FYB1: variants seen among roughly 807,000 people sequenced by gnomAD.
FYB1 encodes FYN-binding protein 1.
FYB1 carries 41 observed loss-of-function variants against 94.1 expected under a neutral mutation model. The ratio of observed to expected loss-of-function variants is 0.44; its 90% CI spans 0.34 to 0.57. The LOEUF is 0.57. FYB1 is among the 20% of genes least tolerant of loss of function. FYB1 has a pLI of 0.02. For missense variants in FYB1, 1,050 were observed against 976.8 expected (o/e 1.07, Z -1.00); for synonymous variants, 367 against 353.2 (o/e 1.04, Z -0.44).
At chr5:39,211,922 G>A (rs1323210876) in intron 1 of FYB1, among the ~76,000 whole-genome samples, 1 of 152,068 alleles carries the variant, frequency 6.6e-6, no homozygotes, top group Non-Finnish European at 1.5e-5. Context: ...CTATCTGTGG[G>A]GTTTTCTAGA....
rs570631946 is a variant in FYB1 at position 39,212,109 on chromosome 5, T to C, written c.-28+7334A>G. Among the ~76,000 whole-genome samples, 7 of 152,144 alleles carry C rather than the reference T, an allele frequency of 4.6e-5. No individual in the cohort carries two copies. The South Asian group carries it at 1.5e-3, about 32-fold the overall frequency. On this transcript the variant is annotated intron_variant, in intron 1 of 18. Coordinates refer to ENST00000512982, the MANE Select transcript of FYB1 (RefSeq NM_001465.6). ...TTGCTTGAGGCCAGGTGATTGAGGC[T>C]AGCCTGGGCAACAAAGCAAGACCTC...
At chr5:39,242,186 A>G (rs1751241657) in intron 1 of FYB1, among the ~76,000 whole-genome samples, 1 of 152,024 alleles carries the variant, frequency 6.6e-6, no homozygotes, top group South Asian at 2.1e-4. Context: ...CATATGCACA[A>G]TGTGCAGGTT....
intron 16 of FYB1, among the ~76,000 whole-genome samples, chr5:39,117,999 G>C (rs548846239): frequency 6.6e-6 from 1 of 152,216 alleles, no homozygotes; most frequent in African/African-American, 2.4e-5. Flanking sequence ...CTCAGCTCAA[G>C]TGATATTTTT....
chr5:39,196,210 T>A (rs867982176), intron 2 of FYB1, among the ~76,000 whole-genome samples: 1 of 114,920 alleles, frequency 8.7e-6, no homozygotes, highest in African/African-American at 4.3e-5. Context: ...AATTCTTTCT[T>A]TTTTTTTTTT....
Position 39,153,870 on chromosome 5 carries a change from C to T in FYB1, c.1136-266G>A, listed in dbSNP as rs763736361. Among the ~76,000 whole-genome samples, 10 of 152,230 alleles carry T rather than the reference C, an allele frequency of 6.6e-5. No individual in the cohort carries two copies. The South Asian group carries it at 1.0e-3, about 16-fold the overall frequency. Reference sequence around the variant, plus strand: ...TTCACTGTAAGCTCAGACTCCTGGGCTTTCGAGATCTTCCTGCCTCAGCCT... The same window carrying T: ...TTCACTGTAAGCTCAGACTCCTGGGTTTTCGAGATCTTCCTGCCTCAGCCT... On this transcript the variant is annotated intron_variant, in intron 2 of 18. Transcript: ENST00000512982.
At position 39,202,462 on chromosome 5, in the gene FYB1, T is replaced by G; in HGVS notation, c.499A>C (p.Lys167Gln). 6.2e-7 allele frequency: 1 copy of G among 1,613,930 alleles called. No homozygotes were observed. Among genetic ancestry groups the G allele is most frequent in the Non-Finnish European group, 8.5e-7 (1 of 1,179,878 alleles). Reference sequence around the variant, plus strand: ...CCAGTCAATTTGGGAAACGCTTGCTTCTGTTCATTTTCTGAGGTTGGAGGA... The same window carrying G: ...CCAGTCAATTTGGGAAACGCTTGCTGCTGTTCATTTTCTGAGGTTGGAGGA... ...PTPPTSENEQ[K>Q]QAFPKLTGVK... Residue 167 changes from lysine (K) to glutamine (Q), a missense_variant, in exon 2 of 19, where the codon AAG becomes CAG. Coordinates refer to ENST00000512982, the MANE Select transcript of FYB1 (RefSeq NM_001465.6).
At chr5:39,270,225 G>T (rs577705304) in intron 1 of FYB1, among the ~76,000 whole-genome samples, 1 of 152,192 alleles carries the variant, frequency 6.6e-6, no homozygotes, top group Admixed American at 6.5e-5. Context: ...TCCTTTCCTG[G>T]GATCCAAACT....
intron 1 of FYB1, among the ~76,000 whole-genome samples, chr5:39,207,488 G>C (rs1748964623): frequency 6.6e-6 from 1 of 152,098 alleles, no homozygotes; most frequent in Admixed American, 6.6e-5. Flanking sequence ...CCAGTTTTCA[G>C]AAAATCTTTT....
Position 39,137,657 on chromosome 5 carries a change from C to T in FYB1, c.1458G>A (p.Glu486=), listed in dbSNP as rs1304250930. 9 of 1,535,618 alleles carry T rather than the reference C, an allele frequency of 5.9e-6. No individual in the cohort carries two copies. Among genetic ancestry groups the T allele is most frequent in the Non-Finnish European group, 7.9e-6 (9 of 1,133,194 alleles). Residue 486 remains glutamate (E), a synonymous_variant, in exon 7 of 19, where the codon GAG becomes GAA. Transcript: ENST00000512982. ...TTTCTTTCTCTTTCTGTTCCTTTTTCTCCAGCTCTAACCTCTTCTTTTCTT... is the reference window on the plus strand; with the variant it reads ...TTTCTTTCTCTTTCTGTTCCTTTTTTTCCAGCTCTAACCTCTTCTTTTCTT... ...EKEEKKRLEL[E]KKEQKEKEKK...
At chr5:39,107,565 G>A (rs1283065809) in intron 18 of FYB1, 100 bp from the exon 19 acceptor site, 7 of 650,202 alleles carry the variant, frequency 1.1e-5, no homozygotes, top group South Asian at 1.0e-4. Flanking sequence ...TCCTGGTTAA[G>A]GATTAAAAAA....
rs1749148655 is a variant in FYB1, at chr5:39,209,338, T to G, written c.-27-6351A>C. Among the ~76,000 whole-genome samples the G allele has an allele frequency of 9.9e-5, 15 of 151,980 alleles. 1 individual carries two copies. The South Asian group carries it at 3.1e-3, about 32-fold the overall frequency. ...AACACTGTTTAAATATGTTTTTTTTTTTTTTTGAGACGGAGCCTCCCTCTA... is the reference window on the plus strand; with the variant it reads ...AACACTGTTTAAATATGTTTTTTTTGTTTTTTGAGACGGAGCCTCCCTCTA... On this transcript the variant is annotated intron_variant, in intron 1 of 18. Transcript: ENST00000512982.
intron 1 of FYB1, chr5:39,269,535 A>G (rs1177114336): frequency 2.0e-5 from 3 of 152,392 alleles, no homozygotes; most frequent in Non-Finnish European, 2.9e-5. Context: ...CTTGCACGCT[A>G]TCACTCTTCC....
intron 2 of FYB1, among the ~76,000 whole-genome samples, chr5:39,168,023 C>T (rs1744898015): frequency 6.6e-6 from 1 of 152,158 alleles, no homozygotes; most frequent in Admixed American, 6.5e-5. Context: ...TGTTAATTCT[C>T]TTCCCTTATT....
intron 16 of FYB1, among the ~76,000 whole-genome samples, chr5:39,114,648 A>G (rs1739363986): frequency 6.6e-6 from 1 of 152,240 alleles, no homozygotes; most frequent in Non-Finnish European, 1.5e-5. Flanking sequence ...GCATATAACA[A>G]GCTAACTACA....
chr5:39,242,682 A>T (rs908931428), intron 1 of FYB1, among the ~76,000 whole-genome samples: 2 of 152,116 alleles, frequency 1.3e-5, no homozygotes, highest in African/African-American at 4.8e-5. Context: ...GTCAAATGGT[A>T]TTTCCAGTTC....
At chr5:39,264,207 G>C (rs1028482770) in intron 1 of FYB1, among the ~76,000 whole-genome samples, 2 of 152,080 alleles carry the variant, frequency 1.3e-5, no homozygotes, top group Non-Finnish European at 2.9e-5. Flanking sequence ...TTTGCATAGA[G>C]CTGCCATCCA....
rs868065912 is a variant in FYB1 at position 39,176,166 on chromosome 5, T to C, written c.1136-22562A>G. Among the ~76,000 whole-genome samples the C allele has an allele frequency of 8.4e-3, 466 of 55,278 alleles. 1 individual carries two copies. Among genetic ancestry groups the C allele is most frequent in the African/African-American group, 0.026 (449 of 17,442 alleles). 36.3% of individuals were successfully genotyped at this position (55,278 alleles called of 152,430 possible). On this transcript the variant is annotated intron_variant, in intron 2 of 18. Transcript: ENST00000512982. ...TTTTTTTTTTTTTTTTTTTTTTTTT[T>C]TAAAGACAGAGTCTCACTCTGTCGC... is the stretch of plus-strand genomic sequence containing the variant.
intron 2 of FYB1, among the ~76,000 whole-genome samples, chr5:39,185,498 A>G (rs1414168577): frequency 2.8e-5 from 4 of 144,852 alleles, no homozygotes; most frequent in African/African-American, 1.1e-4. Context: ...TCTAGAAAGG[A>G]TAGAAAAGAT....
intron 1 of FYB1, among the ~76,000 whole-genome samples, chr5:39,273,118 G>A (rs1752711719): frequency 6.6e-6 from 1 of 152,182 alleles, no homozygotes; most frequent in Non-Finnish European, 1.5e-5. Context: ...CCCTCTGCCC[G>A]GCCACCACCC....
Sources: allele counts gnomAD v4.1 joint callset (sites outside exome capture counted in the v4.1 genomes callset), GRCh38; gene constraint gnomAD v4.1.1; transcripts MANE v1.5; gene names NCBI Gene and HGNC (gene_info 2026-07-23, HGNC 2026-07-21).